TMEM132D: variants seen among roughly 807,000 people sequenced by gnomAD.
TMEM132D encodes the protein mature OL transmembrane protein.
Under a neutral mutation model 62.3 loss-of-function variants are expected in TMEM132D, and 21 were observed. The observed-to-expected ratio is 0.34, with a 90% CI of 0.24 to 0.49. The LOEUF is 0.49. Ranked by LOEUF, TMEM132D falls within the 20% of genes least tolerant of loss-of-function variation. The pLI, the probability that TMEM132D is intolerant of heterozygous loss-of-function variation, is 0.99. For missense variants in TMEM132D, 1,346 were observed against 1,402.8 expected (o/e 0.96, Z 0.65); for synonymous variants, 621 against 575.6 (o/e 1.08, Z -1.13).
chr12:129,834,277 G>A (rs1435817391), intron 1 of TMEM132D, among the ~76,000 whole-genome samples: 2 of 151,904 alleles, frequency 1.3e-5, no homozygotes, highest in African/African-American at 2.4e-5. Flanking sequence ...GGCTTGTTTT[G>A]AAACAAACCA....
At chr12:129,688,866 C>T (rs767888947) in intron 2 of TMEM132D, among the ~76,000 whole-genome samples, 9 of 152,156 alleles carry the variant, frequency 5.9e-5, no homozygotes, top group Non-Finnish European at 1.0e-4. Context: ...CAGAACCTTC[C>T]TCTATGCAAG....
intron 3 of TMEM132D, among the ~76,000 whole-genome samples, chr12:129,452,392 A>G (rs1873321602): frequency 6.6e-6 from 1 of 152,224 alleles, no homozygotes; most frequent in African/African-American, 2.4e-5. Context: ...CTGCTGTTTC[A>G]TCTTCCGTGC....
intron 3 of TMEM132D, among the ~76,000 whole-genome samples, chr12:129,520,543 G>A (rs1383380989): frequency 2.6e-5 from 4 of 152,136 alleles, no homozygotes; most frequent in African/African-American, 7.2e-5. Flanking sequence ...GGAGTTAAAG[G>A]AGCATGTAAG....
chr12:129,376,424 T>A (rs904157984), intron 3 of TMEM132D, among the ~76,000 whole-genome samples: 2 of 152,164 alleles, frequency 1.3e-5, no homozygotes, highest in African/African-American at 2.4e-5. Flanking sequence ...CCAGATCTCA[T>A]GAGAACTCAC....
At chr12:129,207,449 G>A (rs1392787141) in intron 5 of TMEM132D, among the ~76,000 whole-genome samples, 1 of 152,254 alleles carries the variant, frequency 6.6e-6, no homozygotes. Flanking sequence ...AAGTTCAGCA[G>A]GGATGGGGAA....
chr12:129,306,963 G>A (rs1268923773), intron 4 of TMEM132D, among the ~76,000 whole-genome samples: 1 of 152,140 alleles, frequency 6.6e-6, no homozygotes, highest in Non-Finnish European at 1.5e-5. Flanking sequence ...GGTAGGTCTG[G>A]AGATTGTGGA....
chr12:129,549,567 T>C (rs1467305530), intron 2 of TMEM132D, among the ~76,000 whole-genome samples: 1 of 152,212 alleles, frequency 6.6e-6, no homozygotes, highest in East Asian at 1.9e-4. Context: ...TCTGCCATGA[T>C]TGTGAGGCCT....
intron 2 of TMEM132D, among the ~76,000 whole-genome samples, chr12:129,597,417 C>A (rs2137139868): frequency 6.6e-6 from 1 of 151,992 alleles, no homozygotes. Context: ...TAATGAACAC[C>A]CCATACTTAC....
intron 1 of TMEM132D, among the ~76,000 whole-genome samples, chr12:129,838,388 AAG>A (rs1873072731): frequency 6.6e-6 from 1 of 152,234 alleles, no homozygotes; most frequent in South Asian, 2.1e-4. Flanking sequence ...CTTATCTGGA[AAG>A]AGAGAGACAA....
rs79393001 is a variant in TMEM132D at position 129,795,163 on chromosome 12, A to G, written c.80-94465T>C. 7.7e-3 allele frequency among the ~76,000 whole-genome samples: 1,166 copies of G among 152,326 alleles called. 16 individuals are homozygous for G. The highest frequency in any genetic ancestry group is 0.027 in the African/African-American group (1,116 of 41,572). Reference sequence around the variant, plus strand: ...TAACATGATACTCCATTTGAATTACAGTTTCTTTCATCCCTTCCAGGAGCT... The same window carrying G: ...TAACATGATACTCCATTTGAATTACGGTTTCTTTCATCCCTTCCAGGAGCT... On this transcript the variant is annotated intron_variant, in intron 1 of 8. Coordinates refer to ENST00000422113, the MANE Select transcript of TMEM132D (RefSeq NM_133448.3).
intron 4 of TMEM132D, among the ~76,000 whole-genome samples, chr12:129,219,259 G>T (rs1318882905): frequency 2.0e-5 from 3 of 152,172 alleles, no homozygotes; most frequent in Non-Finnish European, 4.4e-5. Context: ...AGTCTCATGA[G>T]ATCTGATGGT....
chr12:129,727,592 G>T (rs1869083129), intron 1 of TMEM132D, among the ~76,000 whole-genome samples: 1 of 152,192 alleles, frequency 6.6e-6, no homozygotes, highest in Admixed American at 6.5e-5. Flanking sequence ...TCCCAGGTCA[G>T]AGAGAGGGCA....
chr12:129,153,304 T>C (rs143428433), intron 5 of TMEM132D, among the ~76,000 whole-genome samples: 329 of 152,180 alleles, frequency 2.2e-3, no homozygotes, highest in African/African-American at 7.5e-3. Flanking sequence ...CTTCGGGGAG[T>C]TGCTGCTCAC....
chr12:129,673,197 C>G (rs1319132259), intron 2 of TMEM132D, among the ~76,000 whole-genome samples: 1 of 149,638 alleles, frequency 6.7e-6, no homozygotes, highest in Non-Finnish European at 1.5e-5. Context: ...CCATGAATCG[C>G]TTCTCCATTA....
chr12:129,590,628 A>G (rs903719042), intron 2 of TMEM132D, among the ~76,000 whole-genome samples: 10 of 152,230 alleles, frequency 6.6e-5, no homozygotes, highest in East Asian at 5.8e-4. Flanking sequence ...CTGCTGCAGC[A>G]AAGACCAGAA....
intron 4 of TMEM132D, among the ~76,000 whole-genome samples, chr12:129,267,140 T>C (rs1212257762): frequency 6.6e-6 from 1 of 152,204 alleles, no homozygotes; most frequent in Non-Finnish European, 1.5e-5. Flanking sequence ...TTTTATTCTT[T>C]GAACAGGCTC....
At chr12:129,510,633 T>C (rs1401805378) in intron 3 of TMEM132D, among the ~76,000 whole-genome samples, 1 of 152,212 alleles carries the variant, frequency 6.6e-6, no homozygotes, top group Non-Finnish European at 1.5e-5. Context: ...TTTGATTTGA[T>C]TTTTCCATAT....
At chr12:129,595,434 G>T (rs1176406483) in intron 2 of TMEM132D, among the ~76,000 whole-genome samples, 1 of 152,204 alleles carries the variant, frequency 6.6e-6, no homozygotes, top group Non-Finnish European at 1.5e-5. Context: ...GAGAGAAGAG[G>T]TGTCGTAGCT....
rs139782347 is a variant in TMEM132D, at chr12:129,209,618, C to G, written c.1345G>C (p.Ala449Pro). 6 of 1,614,082 alleles carry G rather than the reference C, an allele frequency of 3.7e-6. No homozygotes were observed. Among genetic ancestry groups the G allele is most frequent in the African/African-American group, 2.7e-5 (2 of 74,942 alleles). The change falls in exon 5 of 9, where the codon GCC becomes CCC. Residue 449 changes from alanine (A) to proline (P), a missense_variant. By Grantham distance (27) the Ala-to-Pro change is conservative. Transcript: ENST00000422113. Reference sequence around the variant, plus strand: ...ACGGAGACCACTTTCACCGGGACGGCCACCGTCTTCCCCGTGAGGATGGCT... The same window carrying G: ...ACGGAGACCACTTTCACCGGGACGGGCACCGTCTTCCCCGTGAGGATGGCT... Reference protein sequence around the residue: ...NTAILTGKTVAVPVKVVSVED... With the variant: ...NTAILTGKTVPVPVKVVSVED...
Sources: gnomAD v4.1 joint callset for allele counts (sites outside exome capture counted in the v4.1 genomes callset) on GRCh38, gnomAD v4.1.1 for gene constraint, MANE v1.5 for transcripts, NCBI Gene and HGNC (gene_info 2026-07-23, HGNC 2026-07-21) for gene names.